MYO5C: variants seen among roughly 807,000 people sequenced by gnomAD.
MYO5C encodes unconventional myosin-Vc.
In MYO5C, 194 loss-of-function variants were observed where a neutral mutation model predicts 235.7. The ratio of observed to expected loss-of-function variants is 0.82; its 90% confidence interval spans 0.73 to 0.93. MYO5C has a LOEUF of 0.93. Ranked by LOEUF, MYO5C falls within the 40% of genes least tolerant of loss-of-function variation. The probability of loss-of-function intolerance (pLI) is 0.00; values close to 1 mark genes in which losing one functional copy is unlikely to be tolerated. For synonymous variants in MYO5C, 707 were observed against 754.8 expected, an observed-to-expected ratio of 0.94 and a Z score of 1.04; for missense variants, 2,038 against 2,127.2, an observed-to-expected ratio of 0.96 and a Z score of 0.82.
At chr15:52,225,866 A>G (rs1278180042) in intron 25 of MYO5C, among the ~76,000 whole-genome samples, 1 of 152,084 alleles carries the variant, frequency 6.6e-6, no homozygotes, top group East Asian at 1.9e-4. Context: ...CCTGACCAAC[A>G]TGGTAAAATC....
rs367777877 is a variant in MYO5C at position 52,241,314 on chromosome 15, C to T, written c.2556+734G>A. Among the ~76,000 whole-genome samples, 141 of 123,532 alleles carry T rather than the reference C, an allele frequency of 1.1e-3. 1 individual carries two copies. The highest frequency in any genetic ancestry group is 8.8e-3 in the Middle Eastern group (1 of 114). The allele number at this position is 123,532 out of a possible 152,430, so 81.0% of individuals were successfully genotyped here. Reference sequence around the variant, plus strand: ...TCACTCTGTCACCCAGGCTGGAGTGCAGTGGTGCAATCTTGGCTCACTGCA... The same window carrying T: ...TCACTCTGTCACCCAGGCTGGAGTGTAGTGGTGCAATCTTGGCTCACTGCA... On this transcript the variant is annotated intron_variant, in intron 20 of 40. Transcript: ENST00000261839.
intron 23 of MYO5C, among the ~76,000 whole-genome samples, chr15:52,234,634 T>C (rs772669873): frequency 2.0e-5 from 3 of 152,202 alleles, no homozygotes; most frequent in Non-Finnish European, 4.4e-5. Flanking sequence ...ATGGCTTCTG[T>C]GCCCACACCA....
intron 38 of MYO5C, among the ~76,000 whole-genome samples, chr15:52,203,436 C>A (rs1451208873): frequency 2.0e-5 from 3 of 152,176 alleles, no homozygotes; most frequent in Non-Finnish European, 2.9e-5. Flanking sequence ...CAACCTCTGC[C>A]TCGGGTTCAA....
chr15:52,209,971 T>A (rs553985494), intron 35 of MYO5C, among the ~76,000 whole-genome samples: 152 of 152,274 alleles, frequency 1.0e-3, no homozygotes, highest in East Asian at 2.7e-3. Context: ...TTAATTAATT[T>A]ATTTATTTTT....
At chr15:52,291,335 C>G (rs1347810023) in intron 1 of MYO5C, among the ~76,000 whole-genome samples, 2 of 152,178 alleles carry the variant, frequency 1.3e-5, no homozygotes, top group African/African-American at 4.8e-5. Context: ...CTCCTCAAGC[C>G]GTCTGTCCTA....
chr15:52,199,528 C>T (rs569358876), intron 38 of MYO5C, among the ~76,000 whole-genome samples: 90 of 152,176 alleles, frequency 5.9e-4, no homozygotes, highest in African/African-American at 2.1e-3. Flanking sequence ...TCACTTTTCC[C>T]CTCTGCTATT....
intron 40 of MYO5C, among the ~76,000 whole-genome samples, chr15:52,194,987 C>T (rs2035014660): frequency 6.6e-6 from 1 of 152,088 alleles, no homozygotes; most frequent in Admixed American, 6.5e-5. Context: ...TGGAGAACTG[C>T]TGCCCTAGAG....
In MYO5C at chr15:52,237,674, G is replaced by C; in HGVS notation, c.2704-28C>G. ...AGAGAAAAGAAAATTCAGATGTTTA[G>C]AGGTTAATCCAAACAAAGATGCTGT... On this transcript the variant is annotated intron_variant, in intron 21 of 40. Transcript: ENST00000261839. The C allele has an allele frequency of 4.4e-6, 7 of 1,593,882 alleles. No homozygotes were observed. The South Asian group carries it at 6.8e-5, about 16-fold the overall frequency.
At chr15:52,244,168 C>T (rs1030318788) in intron 19 of MYO5C, among the ~76,000 whole-genome samples, 188 bp downstream of exon 19, 3 of 152,138 alleles carry the variant, frequency 2.0e-5, no homozygotes, top group African/African-American at 7.2e-5. Context: ...CAGGCAGAGC[C>T]AGCACTACCT....
chr15:52,277,157 A>G (rs750003084), intron 4 of MYO5C: 2 of 530,574 alleles, frequency 3.8e-6, no homozygotes, highest in Non-Finnish European at 7.7e-6. Flanking sequence ...ACAGGGCTTT[A>G]GTAATCCCAG....
At chr15:52,235,130 G>A (rs943246787) in intron 23 of MYO5C, among the ~76,000 whole-genome samples, 1 of 152,180 alleles carries the variant, frequency 6.6e-6, no homozygotes, top group Non-Finnish European at 1.5e-5. Flanking sequence ...ACTGGTTCCA[G>A]GGTCTGCCCT....
At position 52,253,363 on chromosome 15, in the gene MYO5C, A is replaced by G. The variant is rs1309262118; in HGVS notation, c.1490T>C (p.Ile497Thr). Residue 497 changes from isoleucine (I) to threonine (T), a missense_variant, in exon 12 of 41, where the codon ATT (isoleucine) becomes ACT (threonine). Transcript: ENST00000261839. ...FYDNQPVIDL[I>T]EAKMGILELL... ...CTCCAGAATTCCCATTTTTGCTTCA[A>G]TCAGGTCAATAACTGGTTGATTGTC... is the stretch of plus-strand genomic sequence containing the variant. 4 of 1,613,154 alleles carry G rather than the reference A, an allele frequency of 2.5e-6. No individual in the cohort carries two copies. Among genetic ancestry groups the G allele is most frequent in the Admixed American group, 1.7e-5 (1 of 59,672 alleles).
rs1459535088 is a variant in MYO5C at position 52,254,473 on chromosome 15, A to G, written c.1396-1016T>C. On this transcript the variant is annotated intron_variant, in intron 11 of 40. Transcript: ENST00000261839. ...AGGAGAAGGTGGCACCGGCACTTCT[A>G]CACTTGCTACTGCTGAGCTCCCTGG... Among the ~76,000 whole-genome samples, 6 of 152,292 alleles carry G rather than the reference A, an allele frequency of 3.9e-5. No individual in the cohort carries two copies. The East Asian group carries it at 1.2e-3, about 29-fold the overall frequency.
chr15:52,237,299 C>A, intron 22 of MYO5C, 183 bp downstream of exon 22: 1 of 645,588 alleles, frequency 1.5e-6, no homozygotes, highest in East Asian at 2.8e-5. Context: ...CTCCTCCCTT[C>A]CCCTAGACTC....
In MYO5C at chr15:52,235,662, A is replaced by G. The variant is rs1008603464; in HGVS notation, c.2962+8T>C. The G allele has an allele frequency of 1.2e-6, 2 of 1,601,572 alleles. No homozygotes were observed. The highest frequency in any genetic ancestry group is 1.3e-5 in the African/African-American group (1 of 74,520). On this transcript the variant is annotated splice_region_variant and intron_variant, in intron 23 of 40. Transcript: ENST00000261839. ...TGAATGTCTGGATTTGTGCCCCCCA[A>G]GCTTTACCTTTTAACTCTTCAGTCT...
chr15:52,238,916 C>T (rs771002166), intron 21 of MYO5C, among the ~76,000 whole-genome samples: 2 of 151,882 alleles, frequency 1.3e-5, no homozygotes, highest in East Asian at 3.9e-4. Context: ...GCTGGGATTA[C>T]AGGCGTGAGC....
At chr15:52,263,219 C>T (rs1263077076) in intron 9 of MYO5C, among the ~76,000 whole-genome samples, 1 of 152,114 alleles carries the variant, frequency 6.6e-6, no homozygotes, top group Admixed American at 6.5e-5. Flanking sequence ...TAATGCAAAG[C>T]TTTACAGGTG....
chr15:52,206,574 T>C (rs1396446094), intron 36 of MYO5C, among the ~76,000 whole-genome samples: 4 of 152,078 alleles, frequency 2.6e-5, no homozygotes, highest in African/African-American at 9.7e-5. Flanking sequence ...TCTCTCTCCC[T>C]CTTCCTGACC....
chr15:52,218,453 A>G, intron 32 of MYO5C, 66 bp downstream of exon 32: 1 of 1,466,356 alleles, frequency 6.8e-7, no homozygotes. Context: ...TTTAGGTGGC[A>G]TGTCCCCCCT....
Sources: allele counts gnomAD v4.1 joint callset (sites outside exome capture counted in the v4.1 genomes callset), GRCh38; gene constraint gnomAD v4.1.1; transcripts MANE v1.5; gene names NCBI Gene and HGNC (gene_info 2026-07-23, HGNC 2026-07-21).